Variants in PRKN observed in about 807,000 individuals in gnomAD.
PRKN encodes E3 ubiquitin-protein ligase parkin.
PRKN carries 56 observed loss-of-function variants against 59.5 expected under a neutral mutation model. The observed-to-expected ratio is 0.94, with a 90% confidence interval of 0.76 to 1.18. The LOEUF is 1.18. Ranked by LOEUF, PRKN falls within the 50% of genes most tolerant of loss-of-function variation. The pLI is 0.00. For synonymous variants in PRKN, 250 were observed against 222.1 expected (o/e 1.13, Z -1.12); for missense variants, 657 against 596.4 (o/e 1.10, Z -1.06).
At position 161,445,639 on chromosome 6, in the gene PRKN, G is replaced by A. The variant is rs976892768; in HGVS notation, c.1084-58762C>T. 1.3e-5 allele frequency among the ~76,000 whole-genome samples: 2 copies of A among 152,170 alleles called. No homozygotes were observed. Among genetic ancestry groups the A allele is most frequent in the African/African-American group, 4.8e-5 (2 of 41,444 alleles). On this transcript the variant is annotated intron_variant, in intron 9 of 11. Coordinates refer to ENST00000366898, the MANE Select transcript of PRKN (RefSeq NM_004562.3). This position sits in a 1 kb window ranked among gnomAD's most constrained non-coding sequence, Gnocchi z 7.7. The stretch of plus-strand genomic sequence containing the variant: ...ACCCGTGCTGCAGCTGAATGGGATC[G>A]GTGCAGCATGATAGAGGCCAGCTGC...
At chr6:162,553,297 T>G (rs1429913079) in intron 1 of PRKN, among the ~76,000 whole-genome samples, 1 of 151,554 alleles carries the variant, frequency 6.6e-6, no homozygotes, top group East Asian at 1.9e-4. Context: ...GACAAGAAAG[T>G]GAGTGCTCTT....
intron 6 of PRKN, among the ~76,000 whole-genome samples, chr6:161,892,664 A>G (rs926357255): frequency 2.0e-5 from 3 of 152,182 alleles, no homozygotes; most frequent in Non-Finnish European, 1.5e-5. Context: ...TCCTGAGCGC[A>G]TGAGTTAGAG....
chr6:161,615,113 T>C (rs1782643279), intron 7 of PRKN, among the ~76,000 whole-genome samples: 1 of 152,180 alleles, frequency 6.6e-6, no homozygotes, highest in African/African-American at 2.4e-5. Flanking sequence ...TTCCATTACT[T>C]TTAATAGCAA....
At chr6:162,331,855 A>G (rs1783593284) in intron 2 of PRKN, among the ~76,000 whole-genome samples, 2 of 152,168 alleles carry the variant, frequency 1.3e-5, no homozygotes. Context: ...GCAACTCAGT[A>G]TGGAATATGT....
rs924099181 is a variant in PRKN, at chr6:161,484,028, G to A, written c.1083+64826C>T. On this transcript the variant is annotated intron_variant, in intron 9 of 11. Coordinates refer to ENST00000366898, the MANE Select transcript of PRKN (RefSeq NM_004562.3). This position sits in a 1 kb window ranked among gnomAD's most constrained non-coding sequence, Gnocchi z 4.9. ...AACACACACTGGGGCCTGCTGGGGGGTTGTGGGGAGGGAGAGCATCAGGAA... is the reference window on the plus strand; with the variant it reads ...AACACACACTGGGGCCTGCTGGGGGATTGTGGGGAGGGAGAGCATCAGGAA... Among the ~76,000 whole-genome samples the A allele has an allele frequency of 1.3e-5, 2 of 152,088 alleles. No homozygotes were observed. The highest frequency in any genetic ancestry group is 1.9e-4 in the East Asian group (1 of 5,176).
intron 9 of PRKN, among the ~76,000 whole-genome samples, chr6:161,476,434 T>G (rs2115219029): frequency 1.3e-5 from 2 of 152,304 alleles, no homozygotes; most frequent in Middle Eastern, 6.8e-3. Flanking sequence ...CAACTGTAAT[T>G]GGGATACATT....
At chr6:162,626,822 A>C (rs1190226034) in intron 1 of PRKN, among the ~76,000 whole-genome samples, 1 of 151,936 alleles carries the variant, frequency 6.6e-6, no homozygotes, top group Non-Finnish European at 1.5e-5. Flanking sequence ...TCCAAAAAAA[A>C]AAAAAAAATT....
rs1790562686 is a variant in PRKN, at chr6:161,467,947, C to G, written c.1083+80907G>C. Among the ~76,000 whole-genome samples the G allele has an allele frequency of 6.6e-6, 1 of 151,842 alleles. No individual in the cohort carries two copies. The highest frequency in any genetic ancestry group is 2.4e-5 in the African/African-American group (1 of 41,342). ...GAGAAAGAGTAAAATTCTATTCCTT[C>G]TCACTCCCTTAGCCTACACTTTATT... On this transcript the variant is annotated intron_variant, in intron 9 of 11. Coordinates refer to ENST00000366898, the MANE Select transcript of PRKN (RefSeq NM_004562.3). This position sits in a 1 kb window ranked among gnomAD's most constrained non-coding sequence, Gnocchi z 4.3.
intron 9 of PRKN, among the ~76,000 whole-genome samples, chr6:161,516,185 C>G (rs544934149): frequency 6.6e-6 from 1 of 152,062 alleles, no homozygotes; most frequent in African/African-American, 2.4e-5. Flanking sequence ...CAGTGGCTCA[C>G]GCCTGTAATC....
At chr6:162,223,601 A>G (rs2128081979) in intron 3 of PRKN, among the ~76,000 whole-genome samples, 1 of 149,522 alleles carries the variant, frequency 6.7e-6, no homozygotes, top group Non-Finnish European at 1.5e-5. Context: ...GCTTATTCCA[A>G]ATAGACACGT....
intron 1 of PRKN, among the ~76,000 whole-genome samples, chr6:162,726,000 C>T (rs1202342974): frequency 2.0e-5 from 3 of 152,166 alleles, no homozygotes; most frequent in African/African-American, 7.2e-5. Flanking sequence ...TTCTCCATGT[C>T]ATTACCAGTA....
At chr6:161,811,947 A>T (rs1791581329) in intron 6 of PRKN, among the ~76,000 whole-genome samples, 1 of 151,824 alleles carries the variant, frequency 6.6e-6, no homozygotes, top group Non-Finnish European at 1.5e-5. Flanking sequence ...AATAAATAAA[A>T]ATTAAAAAAA....
At chr6:162,423,235 C>T (rs1292415056) in intron 2 of PRKN, among the ~76,000 whole-genome samples, 1 of 152,118 alleles carries the variant, frequency 6.6e-6, no homozygotes, top group Non-Finnish European at 1.5e-5. Context: ...TATATATGTA[C>T]ACATCAGTAA....
At chr6:162,411,460 C>T (rs1466543219) in intron 2 of PRKN, among the ~76,000 whole-genome samples, 2 of 152,096 alleles carry the variant, frequency 1.3e-5, no homozygotes, top group African/African-American at 4.8e-5. Flanking sequence ...AGGTTTTCTC[C>T]TCTCCCCCAA....
At chr6:162,569,409 A>G (rs1349490304) in intron 1 of PRKN, 3 of 678,894 alleles carry the variant, frequency 4.4e-6, no homozygotes, top group Admixed American at 1.8e-5. Flanking sequence ...CAGAAGCTGA[A>G]GAACATGAAG....
chr6:161,444,614 G>T lies in PRKN; in HGVS notation c.1084-57737C>A, dbSNP rs1789401026. Among the ~76,000 whole-genome samples the T allele has an allele frequency of 6.6e-6, 1 of 152,236 alleles. No homozygotes were observed. Among genetic ancestry groups the T allele is most frequent in the Admixed American group, 6.5e-5 (1 of 15,286 alleles). ...TGGTGAGGTTGTGCTCTGAAAAGCTGAGTTCCTCCTGAGAGGCTAATTCAC... is the reference window on the plus strand; with the variant it reads ...TGGTGAGGTTGTGCTCTGAAAAGCTTAGTTCCTCCTGAGAGGCTAATTCAC... On this transcript the variant is annotated intron_variant, in intron 9 of 11. Coordinates refer to ENST00000366898, the MANE Select transcript of PRKN (RefSeq NM_004562.3). This position sits in a 1 kb window ranked among gnomAD's most constrained non-coding sequence, Gnocchi z 5.6.
chr6:162,678,811 G>A (rs545432442), intron 1 of PRKN, among the ~76,000 whole-genome samples: 24 of 152,016 alleles, frequency 1.6e-4, no homozygotes, highest in Non-Finnish European at 2.8e-4. Context: ...GTCTCTCTCC[G>A]TCACCCAGGC....
intron 3 of PRKN, among the ~76,000 whole-genome samples, chr6:162,207,395 G>A (rs1784994105): frequency 6.6e-6 from 1 of 151,944 alleles, no homozygotes; most frequent in East Asian, 1.9e-4. Flanking sequence ...GAAAAAGATG[G>A]GGATAACGAC....
At chr6:161,623,549 A>C (rs1471779032) in intron 7 of PRKN, among the ~76,000 whole-genome samples, 1 of 152,222 alleles carries the variant, frequency 6.6e-6, no homozygotes, top group Admixed American at 6.5e-5. Flanking sequence ...TTTTTTGAAA[A>C]GCTTATCCAA....
Sources: gnomAD v4.1 joint callset for allele counts (sites outside exome capture counted in the v4.1 genomes callset) on GRCh38, gnomAD v4.1.1 for gene constraint, Gnocchi (gnomAD v3.1) non-coding constraint, MANE v1.5 for transcripts, NCBI Gene and HGNC (gene_info 2026-07-23, HGNC 2026-07-21) for gene names.